NRG1: variants seen among roughly 807,000 people sequenced by gnomAD.
NRG1 encodes the protein pro-neuregulin-1, membrane-bound isoform.
NRG1 carries 18 observed loss-of-function variants against 63.8 expected under a neutral mutation model. The ratio of observed to expected loss-of-function variants is 0.28; its 90% confidence interval spans 0.19 to 0.42. The LOEUF (loss-of-function observed/expected upper bound fraction) is 0.42, where lower values mean the gene tolerates loss of function less well. Among genes scored for constraint, NRG1 ranks in the 10% least tolerant of loss-of-function variants. NRG1 has a pLI of 1.00. For synonymous variants in NRG1, 302 were observed against 301.3 expected, an observed-to-expected ratio of 1.00 and a Z score of -0.02; for missense variants, 762 against 814.7, an observed-to-expected ratio of 0.94 and a Z score of 0.79.
chr8:31,920,660 C>T (rs1045581892), intron 1 of NRG1, among the ~76,000 whole-genome samples: 1 of 152,088 alleles, frequency 6.6e-6, no homozygotes, highest in Non-Finnish European at 1.5e-5. Flanking sequence ...GGCTCTGGTA[C>T]TCACTATCTG....
chr8:32,320,537 A>T (rs559039676), intron 1 of NRG1, among the ~76,000 whole-genome samples: 1 of 152,318 alleles, frequency 6.6e-6, no homozygotes, highest in African/African-American at 2.4e-5. Context: ...GTCTCAAATG[A>T]CTGAAGCAAG....
At chr8:31,750,641 A>G (rs946653602) in intron 1 of NRG1, among the ~76,000 whole-genome samples, 1 of 151,972 alleles carries the variant, frequency 6.6e-6, no homozygotes, top group Non-Finnish European at 1.5e-5. Context: ...TTTAATTATT[A>G]TTAAGCATGA....
intron 1 of NRG1, among the ~76,000 whole-genome samples, chr8:32,574,131 A>C (rs183129816): frequency 6.6e-6 from 1 of 152,160 alleles, no homozygotes; most frequent in Non-Finnish European, 1.5e-5. Context: ...GTGTGTCTTT[A>C]TAGCAGCATG....
intron 1 of NRG1, among the ~76,000 whole-genome samples, chr8:32,217,369 T>C (rs1171259814): frequency 6.6e-6 from 1 of 151,752 alleles, no homozygotes; most frequent in Non-Finnish European, 1.5e-5. Context: ...GAGTGATGAG[T>C]GACCCTGCCC....
At chr8:32,292,444 C>T (rs577635582) in intron 1 of NRG1, among the ~76,000 whole-genome samples, 7 of 152,244 alleles carry the variant, frequency 4.6e-5, no homozygotes, top group South Asian at 2.1e-4. Context: ...GCCAAACTGA[C>T]GGTTTGGAAC....
chr8:32,270,409 A>G (rs1374733602), intron 1 of NRG1, among the ~76,000 whole-genome samples: 2 of 152,208 alleles, frequency 1.3e-5, no homozygotes, highest in Admixed American at 6.5e-5. Context: ...GTAACTTCTC[A>G]TTCTGACATC....
chr8:32,687,580 C>T (rs994236139), intron 5 of NRG1, among the ~76,000 whole-genome samples: 4 of 152,200 alleles, frequency 2.6e-5, no homozygotes, highest in African/African-American at 2.4e-5. Context: ...GACCGTGCTC[C>T]TCCCAGGCAG....
intron 1 of NRG1, among the ~76,000 whole-genome samples, chr8:32,284,214 T>C (rs1363551616): frequency 2.0e-5 from 3 of 152,108 alleles, no homozygotes; most frequent in Admixed American, 6.6e-5. Context: ...ACCTTTTATA[T>C]CTGATCAATT....
chr8:32,721,914 G>T, intron 5 of NRG1: 1 of 1,486,364 alleles, frequency 6.7e-7, no homozygotes, highest in Non-Finnish European at 8.9e-7. Flanking sequence ...AGTTCAGTCT[G>T]CTCATTATAC....
intron 1 of NRG1, among the ~76,000 whole-genome samples, chr8:32,447,057 G>A (rs894775176): frequency 4.7e-5 from 7 of 149,790 alleles, no homozygotes; most frequent in South Asian, 2.1e-4. Context: ...ACTATTGTGC[G>A]GGCTGGAGTG....
At chr8:32,281,224 C>CGG (rs1852798820) in intron 1 of NRG1, among the ~76,000 whole-genome samples, 1 of 121,944 alleles carries the variant, frequency 8.2e-6, no homozygotes, top group African/African-American at 3.3e-5. Flanking sequence ...GTCGCTCAGG[C>CGG]TGGGGTGCAG....
chr8:31,952,312 T>C (rs1303997250), intron 1 of NRG1, among the ~76,000 whole-genome samples: 1 of 152,148 alleles, frequency 6.6e-6, no homozygotes, highest in Non-Finnish European at 1.5e-5. Flanking sequence ...AATCATAACA[T>C]AATAATTGAT....
intron 1 of NRG1, chr8:32,441,257 G>A (rs948313364): frequency 1.3e-5 from 2 of 152,184 alleles, no homozygotes; most frequent in Middle Eastern, 3.4e-3. Flanking sequence ...AGATGCAAAC[G>A]TCCTGGCATT....
upstream of NRG1, among the ~76,000 whole-genome samples, chr8:32,543,645 T>G (rs1832784047): frequency 6.6e-6 from 1 of 152,178 alleles, no homozygotes; most frequent in Admixed American, 6.5e-5. Context: ...ATCTTATTAA[T>G]AGTAATGATA....
intron 5 of NRG1, among the ~76,000 whole-genome samples, chr8:32,671,980 A>G (rs559214638): frequency 6.6e-6 from 1 of 151,824 alleles, no homozygotes; most frequent in Non-Finnish European, 1.5e-5. Flanking sequence ...TTCTAAATTA[A>G]CTACACCTCT....
chr8:32,768,195 C>G (rs1831568035), downstream of NRG1, among the ~76,000 whole-genome samples: 2 of 152,204 alleles, frequency 1.3e-5, no homozygotes, highest in Admixed American at 1.3e-4. Context: ...CACAACCAGA[C>G]AGTACTATGC....
intron 1 of NRG1, among the ~76,000 whole-genome samples, chr8:32,319,558 C>G: frequency 6.6e-6 from 1 of 152,184 alleles, no homozygotes; most frequent in East Asian, 1.9e-4. Context: ...AAAGATAATG[C>G]CTCTGAAATA....
rs1289618811 is a variant in NRG1, at chr8:31,987,332, GTGTGTGTGTGTGTGTGTA to G, written c.37+347910_37+347927del. On this transcript the variant is annotated intron_variant, in intron 1 of 10. Transcript: ENST00000519301. ...AAAAAACATATATATGTGTGTGTGTGTGTGTGTGTGTGTGTGTATGTGTGTGAAATTATGACAGAATTT... is the reference window on the plus strand; with the variant it reads ...AAAAAACATATATATGTGTGTGTGTGTGTGTGTGAAATTATGACAGAATTT... Among the ~76,000 whole-genome samples the G allele has an allele frequency of 4.4e-4, 65 of 148,212 alleles. 1 individual carries two copies. Among genetic ancestry groups the G allele is most frequent in the Non-Finnish European group, 9.2e-4 (62 of 67,156 alleles).
intron 5 of NRG1, among the ~76,000 whole-genome samples, chr8:32,654,143 G>A (rs1855764280): frequency 6.6e-6 from 1 of 152,158 alleles, no homozygotes; most frequent in Admixed American, 6.5e-5. Context: ...CCAATCAGTA[G>A]CAGTGCTGAG....
Sources: allele counts gnomAD v4.1 joint callset (sites outside exome capture counted in the v4.1 genomes callset), GRCh38; gene constraint gnomAD v4.1.1; transcripts MANE v1.5; gene names NCBI Gene and HGNC (gene_info 2026-07-23, HGNC 2026-07-21).